The following RPS6KC1 variants were observed in gnomAD, a reference collection of about 807,000 sequenced individuals.
The protein encoded by RPS6KC1 is ribosomal protein S6 kinase C1.
A neutral mutation model predicts 103.8 loss-of-function variants in RPS6KC1; 54 were observed. The observed-to-expected ratio is 0.52, with a 90% CI of 0.42 to 0.65. The LOEUF (loss-of-function observed/expected upper bound fraction) is 0.65. RPS6KC1 is among the 30% of genes least tolerant of loss of function. RPS6KC1 has a pLI of 0.00. For missense variants in RPS6KC1, 1,151 were observed against 1,253.8 expected (o/e 0.92, Z 1.24); for synonymous variants, 439 against 438.7 (o/e 1.00, Z -0.01).
chr1:213,380,195 G>A, the RPS6KC1 span, among the ~76,000 whole-genome samples: 1 of 152,164 alleles, frequency 6.6e-6, no homozygotes, highest in Non-Finnish European at 1.5e-5. Context: ...GGAGCTGGAG[G>A]CCATTATCCT....
the RPS6KC1 span, among the ~76,000 whole-genome samples, chr1:213,295,839 G>A: frequency 6.6e-6 from 1 of 152,208 alleles, no homozygotes; most frequent in African/African-American, 2.4e-5. Context: ...CAGAGCAAGA[G>A]GGAAGAGGAA....
the RPS6KC1 span, among the ~76,000 whole-genome samples, chr1:213,370,021 A>G: frequency 2.0e-5 from 3 of 152,128 alleles, no homozygotes; most frequent in Non-Finnish European, 4.4e-5. Context: ...CTCACTCACT[A>G]TGGTGCCTGT....
intron 5 of RPS6KC1, among the ~76,000 whole-genome samples, chr1:213,120,850 G>A (rs1240668264): frequency 6.6e-6 from 1 of 152,166 alleles, no homozygotes; most frequent in Non-Finnish European, 1.5e-5. Context: ...AACAGAGGTA[G>A]AGGTGAAGTG....
At chr1:213,398,128 T>G in the RPS6KC1 span, among the ~76,000 whole-genome samples, 2 of 151,560 alleles carry the variant, frequency 1.3e-5, no homozygotes, top group Admixed American at 1.3e-4. Context: ...ACCTCCTGGG[T>G]TCAAGCGATT....
chr1:213,387,439 T>C, the RPS6KC1 span, among the ~76,000 whole-genome samples: 1 of 152,342 alleles, frequency 6.6e-6, no homozygotes. Context: ...GCAGGCTTCC[T>C]GGGGACTCCA....
At chr1:213,538,341 G>T in the RPS6KC1 span, among the ~76,000 whole-genome samples, 302 of 152,196 alleles carry the variant, frequency 2.0e-3, no homozygotes, top group Non-Finnish European at 3.3e-3. Flanking sequence ...CTTGTTCTTT[G>T]TGTGAGAAAT....
the RPS6KC1 span, among the ~76,000 whole-genome samples, chr1:213,619,493 A>G: frequency 6.6e-6 from 1 of 152,226 alleles, no homozygotes; most frequent in Non-Finnish European, 1.5e-5. Context: ...CTTAAAATAA[A>G]ATTGGAGCTT....
chr1:213,279,702 A>T (rs2095118931), downstream of RPS6KC1, among the ~76,000 whole-genome samples: 1 of 152,218 alleles, frequency 6.6e-6, no homozygotes. Flanking sequence ...GTTCTCAAAA[A>T]GTGGTCCCCA....
the RPS6KC1 span, among the ~76,000 whole-genome samples, chr1:213,677,256 G>T: frequency 6.6e-6 from 1 of 152,110 alleles, no homozygotes; most frequent in South Asian, 2.1e-4. Flanking sequence ...CACCTGAACT[G>T]GTACCAGACC....
the RPS6KC1 span, among the ~76,000 whole-genome samples, chr1:213,330,498 AC>A: frequency 6.6e-6 from 1 of 152,158 alleles, no homozygotes; most frequent in African/African-American, 2.4e-5. Context: ...TCTGCACAGC[AC>A]CTATTCTAGA....
At chr1:213,591,427 T>C in the RPS6KC1 span, among the ~76,000 whole-genome samples, 2 of 152,290 alleles carry the variant, frequency 1.3e-5, no homozygotes, top group Middle Eastern at 3.4e-3. Flanking sequence ...TCCTTCTGTT[T>C]CCCACCATGT....
At chr1:213,163,592 C>G (rs2090682239) in intron 6 of RPS6KC1, among the ~76,000 whole-genome samples, 1 of 151,806 alleles carries the variant, frequency 6.6e-6, no homozygotes. Flanking sequence ...TTTTTAGTGA[C>G]TAAGAGTAGA....
chr1:213,177,565 A>C (rs1025422335), intron 8 of RPS6KC1, among the ~76,000 whole-genome samples: 1 of 152,144 alleles, frequency 6.6e-6, no homozygotes, highest in African/African-American at 2.4e-5. Flanking sequence ...GGCAAGGATC[A>C]TTTTTCTCAA....
the RPS6KC1 span, among the ~76,000 whole-genome samples, chr1:213,556,385 TTAAG>T: frequency 6.6e-6 from 1 of 152,200 alleles, no homozygotes; most frequent in African/African-American, 2.4e-5. Flanking sequence ...AGTACATTAT[TTAAG>T]TGTCTAGTAC....
the RPS6KC1 span, among the ~76,000 whole-genome samples, chr1:213,859,708 C>T: frequency 0.62 from 94,032 of 152,064 alleles, 31,086 homozygotes; most frequent in African/African-American, 0.85. Context: ...CCAGAAAATA[C>T]TGTGACTTTG....
the RPS6KC1 span, among the ~76,000 whole-genome samples, chr1:213,370,515 C>A: frequency 1.3e-5 from 2 of 152,058 alleles, no homozygotes; most frequent in East Asian, 3.9e-4. Flanking sequence ...TGGGGCAACA[C>A]ATGACCACAC....
chr1:213,733,664 C>T, the RPS6KC1 span, among the ~76,000 whole-genome samples: 1 of 151,148 alleles, frequency 6.6e-6, no homozygotes, highest in East Asian at 1.9e-4. Flanking sequence ...TCTTTTAATC[C>T]CCTTTCGTGG....
the RPS6KC1 span, among the ~76,000 whole-genome samples, chr1:213,510,457 C>A: frequency 4.6e-5 from 7 of 152,106 alleles, no homozygotes; most frequent in African/African-American, 1.7e-4. Flanking sequence ...ATACTCTATA[C>A]CCCCTAACTT....
chr1:213,109,142 G>C (rs1031728559), intron 4 of RPS6KC1, among the ~76,000 whole-genome samples: 7 of 151,948 alleles, frequency 4.6e-5, no homozygotes, highest in East Asian at 1.9e-4. Context: ...TGGATATTCT[G>C]TAATTTCTTT....
Sources: gnomAD v4.1 joint callset for allele counts (sites outside exome capture counted in the v4.1 genomes callset) on GRCh38, gnomAD v4.1.1 for gene constraint, MANE v1.5 for transcripts, NCBI Gene and HGNC (gene_info 2026-07-23, HGNC 2026-07-21) for gene names.